ZNF385D: variants seen among roughly 807,000 people sequenced by gnomAD.
The protein encoded by ZNF385D is zinc finger protein 659.
In ZNF385D, 15 loss-of-function variants were observed where a neutral mutation model predicts 35.8. The observed-to-expected ratio is 0.42, with a 90% CI of 0.28 to 0.64. The LOEUF is 0.64. ZNF385D is among the 30% of genes least tolerant of loss of function. The probability of loss-of-function intolerance (pLI) is 0.23; values close to 1 mark genes in which losing one functional copy is unlikely to be tolerated. For synonymous variants in ZNF385D, 212 were observed against 186.8 expected, an observed-to-expected ratio of 1.13 and a Z score of -1.10; for missense variants, 474 against 494.6, an observed-to-expected ratio of 0.96 and a Z score of 0.39.
chr3:22,200,806 A>C (rs1360030789), intron 2 of ZNF385D, among the ~76,000 whole-genome samples: 1 of 152,120 alleles, frequency 6.6e-6, no homozygotes, highest in Non-Finnish European at 1.5e-5. Context: ...CTTGCTGAGA[A>C]AAAGAATTCA....
intron 3 of ZNF385D, among the ~76,000 whole-genome samples, chr3:21,900,680 A>G (rs79767780): frequency 0.048 from 7,239 of 152,210 alleles, 718 homozygotes; most frequent in Admixed American, 0.23. Context: ...AAATAAAAAT[A>G]GTGGTATTAG....
At chr3:22,176,186 T>C (rs1294983018) in intron 2 of ZNF385D, among the ~76,000 whole-genome samples, 1 of 151,728 alleles carries the variant, frequency 6.6e-6, no homozygotes, top group Non-Finnish European at 1.5e-5. Context: ...TAACACAACA[T>C]TCAGCTTCAG....
chr3:22,267,650 C>A (rs901269363), intron 2 of ZNF385D, among the ~76,000 whole-genome samples: 3 of 151,910 alleles, frequency 2.0e-5, no homozygotes, highest in Non-Finnish European at 4.4e-5. Flanking sequence ...TTTACCTACA[C>A]TTTTCTTTGT....
chr3:21,823,341 G>A (rs1289341486), intron 3 of ZNF385D, among the ~76,000 whole-genome samples: 1 of 152,006 alleles, frequency 6.6e-6, no homozygotes, highest in African/African-American at 2.4e-5. Context: ...TAATTATTTG[G>A]GTTTTGGCAA....
At chr3:22,195,912 T>C (rs1696382040) in intron 2 of ZNF385D, among the ~76,000 whole-genome samples, 1 of 152,026 alleles carries the variant, frequency 6.6e-6, no homozygotes, top group African/African-American at 2.4e-5. Flanking sequence ...CTTAGCAAAC[T>C]AACACAGGAA....
intron 3 of ZNF385D, among the ~76,000 whole-genome samples, chr3:22,058,933 G>A (rs1206119711): frequency 6.6e-6 from 1 of 152,144 alleles, no homozygotes; most frequent in Admixed American, 6.5e-5. Context: ...CTCTTTACAT[G>A]ATCTTCAGGA....
chr3:21,847,349 A>C (rs1456125894), intron 3 of ZNF385D, among the ~76,000 whole-genome samples: 1 of 152,080 alleles, frequency 6.6e-6, no homozygotes, highest in Non-Finnish European at 1.5e-5. Context: ...GACAAAAAAG[A>C]GGCACTGATC....
intron 3 of ZNF385D, among the ~76,000 whole-genome samples, chr3:21,921,539 C>G (rs1338469815): frequency 6.6e-6 from 1 of 151,868 alleles, no homozygotes; most frequent in Non-Finnish European, 1.5e-5. Flanking sequence ...TCAAAGCAAT[C>G]AATAGAATCT....
At chr3:21,434,291 T>C (rs746162532) in intron 5 of ZNF385D, among the ~76,000 whole-genome samples, 1 of 152,112 alleles carries the variant, frequency 6.6e-6, no homozygotes, top group Non-Finnish European at 1.5e-5. Context: ...TTCACCTCCC[T>C]AAGAAACTAT....
intron 3 of ZNF385D, among the ~76,000 whole-genome samples, chr3:21,967,555 T>C (rs534993914): frequency 2.6e-5 from 4 of 152,120 alleles, no homozygotes; most frequent in Non-Finnish European, 5.9e-5. Context: ...AAGGAAAGCT[T>C]ATAGAGGGGA....
chr3:21,479,283 A>T (rs1333726754), intron 4 of ZNF385D, among the ~76,000 whole-genome samples: 2 of 151,776 alleles, frequency 1.3e-5, no homozygotes, highest in Non-Finnish European at 2.9e-5. Context: ...ATCTTTACTT[A>T]TGTAACTTTT....
chr3:22,323,136 C>A (rs996056907), intron 2 of ZNF385D, among the ~76,000 whole-genome samples: 1 of 151,994 alleles, frequency 6.6e-6, no homozygotes. Context: ...CTTGGTCTAC[C>A]TGTATGGCCT....
chr3:22,231,318 A>G (rs914142386), intron 2 of ZNF385D, among the ~76,000 whole-genome samples: 3 of 152,262 alleles, frequency 2.0e-5, no homozygotes, highest in African/African-American at 7.2e-5. Flanking sequence ...ATAAGCAAAA[A>G]GACTATTGGC....
At chr3:21,833,937 T>C (rs1695161992) in intron 3 of ZNF385D, among the ~76,000 whole-genome samples, 1 of 152,148 alleles carries the variant, frequency 6.6e-6, no homozygotes, top group African/African-American at 2.4e-5. Context: ...TTTGAAATGA[T>C]TTAAAAGATA....
At chr3:21,854,838 T>C (rs1463195730) in intron 3 of ZNF385D, among the ~76,000 whole-genome samples, 2 of 151,996 alleles carry the variant, frequency 1.3e-5, no homozygotes, top group East Asian at 3.9e-4. Context: ...AGTAAATTAA[T>C]TAATGTCATT....
chr3:22,238,969 C>T (rs1322937912), intron 2 of ZNF385D, among the ~76,000 whole-genome samples: 2 of 150,420 alleles, frequency 1.3e-5, no homozygotes, highest in African/African-American at 2.5e-5. Context: ...TCAAGTCACT[C>T]TCCTGTCTCG....
chr3:22,097,650 T>C (rs1476080694), intron 3 of ZNF385D, among the ~76,000 whole-genome samples: 1 of 152,000 alleles, frequency 6.6e-6, no homozygotes, highest in Non-Finnish European at 1.5e-5. Flanking sequence ...GAAAGGCCAG[T>C]ATGTGATTTT....
chr3:21,628,272 A>C (rs937069963), intron 2 of ZNF385D, among the ~76,000 whole-genome samples: 2 of 152,104 alleles, frequency 1.3e-5, no homozygotes, highest in African/African-American at 4.8e-5. Flanking sequence ...GATTCAGTTT[A>C]ATTGCTCACA....
intron 4 of ZNF385D, among the ~76,000 whole-genome samples, chr3:21,447,081 A>C (rs1416843224): frequency 6.6e-6 from 1 of 152,196 alleles, no homozygotes; most frequent in East Asian, 1.9e-4. Context: ...TCCAAACCTA[A>C]GTTCATCAGA....
Sources: allele counts gnomAD v4.1 joint callset (sites outside exome capture counted in the v4.1 genomes callset), GRCh38; gene constraint gnomAD v4.1.1; transcripts MANE v1.5; gene names NCBI Gene and HGNC (gene_info 2026-07-23, HGNC 2026-07-21).